The following SOX6 variants were observed in gnomAD, a reference collection of about 807,000 sequenced individuals.
The protein encoded by SOX6 is SRY-box transcription factor 6, also known as transcription factor SOX-6.
In SOX6, 11 loss-of-function variants were observed where a neutral mutation model predicts 97.8. The ratio of observed to expected loss-of-function variants is 0.11; its 90% CI spans 0.07 to 0.19. The LOEUF (loss-of-function observed/expected upper bound fraction) is 0.19. SOX6 is among the 10% of genes least tolerant of loss of function. The pLI is 1.00. For synonymous variants in SOX6, 360 were observed against 371.4 expected, an observed-to-expected ratio of 0.97 and a Z score of 0.35; for missense variants, 810 against 1,039.5, an observed-to-expected ratio of 0.78 and a Z score of 3.04.
rs1257898841 is a variant in SOX6 at position 16,501,527 on chromosome 11, T to C, written n.610-25139A>G. ...TTATCATCAGAGTGAACAGGCAACC[T>C]ACAGAATGGGAGAAAATTTTTGCAA... On this transcript the variant is annotated intron_variant and non_coding_transcript_variant, in intron 4 of 5. Transcript: ENST00000524520. 2.0e-5 allele frequency among the ~76,000 whole-genome samples: 3 copies of C among 151,858 alleles called. 1 individual carries two copies. Among genetic ancestry groups the C allele is most frequent in the African/African-American group, 7.3e-5 (3 of 41,194 alleles).
chr11:16,561,313 T>G (rs1203819992), intron 4 of SOX6, among the ~76,000 whole-genome samples: 1 of 152,152 alleles, frequency 6.6e-6, no homozygotes, highest in African/African-American at 2.4e-5. Context: ...TAGCCTGAAC[T>G]GCTCCTGTGA....
At chr11:16,428,923 GC>G (rs1430597965) in intron 1 of SOX6, among the ~76,000 whole-genome samples, 1 of 152,138 alleles carries the variant, frequency 6.6e-6, no homozygotes, top group African/African-American at 2.4e-5. Context: ...GGGCGGCATG[GC>G]CATTTTCACG....
chr11:16,286,161 G>T (rs1854735650), intron 3 of SOX6, among the ~76,000 whole-genome samples: 1 of 152,100 alleles, frequency 6.6e-6, no homozygotes, highest in Admixed American at 6.6e-5. Context: ...TCTCGAATAA[G>T]AGAATGTCTT....
chr11:16,639,765 C>T (rs1848863169), intron 3 of SOX6, among the ~76,000 whole-genome samples: 1 of 152,064 alleles, frequency 6.6e-6, no homozygotes, highest in African/African-American at 2.4e-5. Context: ...ATTTTGTATC[C>T]TGAGACTTTG....
intron 4 of SOX6, among the ~76,000 whole-genome samples, chr11:16,213,316 A>G (rs760264761): frequency 4.1e-4 from 63 of 152,098 alleles, no homozygotes; most frequent in African/African-American, 1.4e-3. Flanking sequence ...GATAAATCTA[A>G]TATTTTTCTT....
intron 12 of SOX6, among the ~76,000 whole-genome samples, chr11:16,017,341 A>C (rs1854918115): frequency 6.6e-6 from 1 of 152,096 alleles, no homozygotes; most frequent in Non-Finnish European, 1.5e-5. Context: ...TCAAGGAAGA[A>C]TATCCCATGA....
At chr11:16,076,944 G>A (rs1441338842) in intron 9 of SOX6, among the ~76,000 whole-genome samples, 4 of 151,412 alleles carry the variant, frequency 2.6e-5, no homozygotes, top group African/African-American at 7.3e-5. Flanking sequence ...TAGTAGAGAC[G>A]GGGTTTCACC....
intron 12 of SOX6, chr11:16,015,476 A>G (rs1854857382): frequency 1.1e-5 from 2 of 185,112 alleles, no homozygotes; most frequent in Admixed American, 5.5e-5. Flanking sequence ...TTCCTGGGGA[A>G]ATACAAATCA....
At chr11:16,155,286 G>T (rs890280447) in intron 6 of SOX6, among the ~76,000 whole-genome samples, 1 of 152,042 alleles carries the variant, frequency 6.6e-6, no homozygotes, top group Non-Finnish European at 1.5e-5. Context: ...GTCTGAATTC[G>T]AGGTCTTCCA....
At chr11:16,633,389 G>A (rs1319961769) in intron 3 of SOX6, among the ~76,000 whole-genome samples, 1 of 152,128 alleles carries the variant, frequency 6.6e-6, no homozygotes, top group Non-Finnish European at 1.5e-5. Context: ...TTTAAAATCA[G>A]AATTACTGCC....
chr11:16,265,732 G>A (rs1220764516), intron 3 of SOX6, among the ~76,000 whole-genome samples: 1 of 151,772 alleles, frequency 6.6e-6, no homozygotes, highest in Non-Finnish European at 1.5e-5. Flanking sequence ...AGGTTAAATG[G>A]AGGTATGAAA....
chr11:16,368,999 G>A (rs917000308), intron 1 of SOX6, among the ~76,000 whole-genome samples: 1 of 152,102 alleles, frequency 6.6e-6, no homozygotes, highest in African/African-American at 2.4e-5. Flanking sequence ...ATTGAGGGAG[G>A]TAGAGGTGGG....
At chr11:16,703,591 G>A (rs999163796) in intron 3 of SOX6, among the ~76,000 whole-genome samples, 9 of 152,010 alleles carry the variant, frequency 5.9e-5, no homozygotes, top group Non-Finnish European at 1.0e-4. Flanking sequence ...GATACTGTCC[G>A]GAATGCTGTA....
intron 4 of SOX6, among the ~76,000 whole-genome samples, chr11:16,195,324 C>G (rs1360450050): frequency 1.3e-5 from 2 of 152,124 alleles, no homozygotes; most frequent in Non-Finnish European, 2.9e-5. Context: ...TTAATCCAAG[C>G]GAGTCTAGAG....
At chr11:15,976,681 T>C (rs562587538) in intron 15 of SOX6, among the ~76,000 whole-genome samples, 2 of 152,116 alleles carry the variant, frequency 1.3e-5, no homozygotes, top group Non-Finnish European at 2.9e-5. Flanking sequence ...CGCAGAACTG[T>C]AGAGAAGGGC....
At chr11:16,357,533 T>C (rs796533749), upstream of SOX6, among the ~76,000 whole-genome samples, 5 of 152,248 alleles carry the variant, frequency 3.3e-5, no homozygotes, top group African/African-American at 1.2e-4. Flanking sequence ...AACACAGTCA[T>C]TGTTAATGCT....
chr11:16,331,888 T>C (rs188195454), intron 2 of SOX6, among the ~76,000 whole-genome samples: 73 of 152,276 alleles, frequency 4.8e-4, no homozygotes, highest in Middle Eastern at 3.4e-3. Context: ...ATGACACAAC[T>C]ACAATCACAG....
At chr11:16,708,218 T>C (rs1242919133) in intron 3 of SOX6, among the ~76,000 whole-genome samples, 2 of 152,212 alleles carry the variant, frequency 1.3e-5, no homozygotes, top group African/African-American at 4.8e-5. Flanking sequence ...AACCTTGAAA[T>C]TCATTGATCT....
intron 9 of SOX6, among the ~76,000 whole-genome samples, chr11:16,080,575 T>C (rs973912685): frequency 2.0e-5 from 3 of 152,192 alleles, no homozygotes; most frequent in African/African-American, 7.2e-5. Flanking sequence ...CAGAAATCAC[T>C]CTAAAGATCT....
Sources: allele counts gnomAD v4.1 joint callset (sites outside exome capture counted in the v4.1 genomes callset), GRCh38; gene constraint gnomAD v4.1.1; transcripts MANE v1.5; gene names NCBI Gene and HGNC (gene_info 2026-07-23, HGNC 2026-07-21).